ALK: variants seen among roughly 807,000 people sequenced by gnomAD.
The protein encoded by ALK is ALK tyrosine kinase receptor.
ALK carries 74 observed loss-of-function variants against 163.1 expected under a neutral mutation model. The observed-to-expected ratio is 0.45, with a 90% CI of 0.38 to 0.55. The LOEUF is 0.55. Among genes scored for constraint, ALK ranks in the 20% least tolerant of loss-of-function variants. The pLI, the probability that ALK is intolerant of heterozygous loss-of-function variation, is 0.00. For synonymous variants in ALK, 960 were observed against 843.2 expected (o/e 1.14, Z -2.40); for missense variants, 2,063 against 2,105.3 (o/e 0.98, Z 0.39).
At chr2:29,802,058 C>G (rs183524731) in intron 1 of ALK, among the ~76,000 whole-genome samples, 1 of 152,080 alleles carries the variant, frequency 6.6e-6, no homozygotes, top group Non-Finnish European at 1.5e-5. Context: ...GAAAATAATT[C>G]TGTTTAAATG....
intron 5 of ALK, among the ~76,000 whole-genome samples, chr2:29,377,690 AAG>A: frequency 6.6e-6 from 1 of 152,272 alleles, no homozygotes; most frequent in East Asian, 1.9e-4. Flanking sequence ...AAAAGGTTTG[AAG>A]AGAGTTCAAA....
chr2:29,899,917 G>A (rs1368252895), intron 1 of ALK, among the ~76,000 whole-genome samples: 1 of 152,170 alleles, frequency 6.6e-6, no homozygotes, highest in Non-Finnish European at 1.5e-5. Context: ...TCTGTTACTT[G>A]CAGCCAAATG....
At chr2:29,383,247 A>G (rs1668946838) in intron 5 of ALK, among the ~76,000 whole-genome samples, 1 of 151,648 alleles carries the variant, frequency 6.6e-6, no homozygotes, top group Non-Finnish European at 1.5e-5. Context: ...ATTTTATACC[A>G]GCTCTTTGAA....
rs912858582 is a variant in ALK, at chr2:29,771,635, T to C, written c.668-53938A>G. Among the ~76,000 whole-genome samples, 6 of 152,032 alleles carry C rather than the reference T, an allele frequency of 3.9e-5. No individual in the cohort carries two copies. In the East Asian group the frequency reaches 9.7e-4, roughly 25 times the overall value. On this transcript the variant is annotated intron_variant, in intron 1 of 28. Coordinates refer to ENST00000389048, the MANE Select transcript of ALK (RefSeq NM_004304.5). ...CTGTAAGCTCCACCTCCCGGGTTCA[T>C]ACCATTCTCCTGCCTCAGCCTCCCG...
intron 5 of ALK, among the ~76,000 whole-genome samples, chr2:29,351,339 T>C (rs908418801): frequency 1.3e-5 from 2 of 152,166 alleles, no homozygotes; most frequent in African/African-American, 4.8e-5. Context: ...AGTGAAGCCT[T>C]TGTGCTTCAC....
intron 1 of ALK, among the ~76,000 whole-genome samples, chr2:29,762,123 C>G (rs1680723212): frequency 6.6e-6 from 1 of 152,204 alleles, no homozygotes; most frequent in Admixed American, 6.5e-5. Flanking sequence ...AGTTGGTTTT[C>G]CCTAGCCAAG....
chr2:29,311,023 T>C (rs1193852119), intron 8 of ALK, among the ~76,000 whole-genome samples: 1 of 152,212 alleles, frequency 6.6e-6, no homozygotes, highest in Admixed American at 6.5e-5. Context: ...AGCTTCCTCC[T>C]TTGTATTAGA....
chr2:29,447,114 G>A (rs776779027), intron 4 of ALK, among the ~76,000 whole-genome samples: 4 of 152,280 alleles, frequency 2.6e-5, no homozygotes, highest in East Asian at 1.9e-4. Flanking sequence ...CTGGGGCCTC[G>A]TCTCCTGGCA....
intron 1 of ALK, among the ~76,000 whole-genome samples, chr2:29,844,090 G>A (rs1438306579): frequency 6.6e-6 from 1 of 152,240 alleles, no homozygotes. Flanking sequence ...TGTTGTATAA[G>A]TTCTGGAAAA....
intron 8 of ALK, among the ~76,000 whole-genome samples, chr2:29,299,169 A>G (rs888656997): frequency 3.2e-4 from 48 of 151,662 alleles, no homozygotes; most frequent in Admixed American, 9.8e-4. Flanking sequence ...GTCCTTTATA[A>G]CTCTTTGAAC....
intron 3 of ALK, among the ~76,000 whole-genome samples, chr2:29,584,851 A>G (rs1207160889): frequency 6.6e-6 from 1 of 152,224 alleles, no homozygotes; most frequent in African/African-American, 2.4e-5. Flanking sequence ...CTCTTTAAGG[A>G]TCCATATAAA....
intron 3 of ALK, among the ~76,000 whole-genome samples, chr2:29,647,048 T>C (rs1676895695): frequency 1.3e-5 from 2 of 152,286 alleles, no homozygotes; most frequent in Admixed American, 6.5e-5. Context: ...GATGAATGAA[T>C]GGATGAATCC....
intron 3 of ALK, among the ~76,000 whole-genome samples, chr2:29,619,712 A>C (rs1336310606): frequency 6.6e-6 from 1 of 152,216 alleles, no homozygotes; most frequent in Non-Finnish European, 1.5e-5. Context: ...CCTCCTTGAC[A>C]AAGAGACCCT....
At chr2:29,655,326 T>C (rs1677155364) in intron 3 of ALK, among the ~76,000 whole-genome samples, 1 of 152,152 alleles carries the variant, frequency 6.6e-6, no homozygotes, top group Admixed American at 6.5e-5. Context: ...ACCTAATTAA[T>C]GGTTTTGTGC....
At chr2:29,906,523 G>C (rs1667552725) in intron 1 of ALK, among the ~76,000 whole-genome samples, 1 of 152,162 alleles carries the variant, frequency 6.6e-6, no homozygotes, top group Non-Finnish European at 1.5e-5. Context: ...AATGTTTGAA[G>C]GACCCTCATG....
At chr2:29,553,623 G>A (rs779695448) in intron 3 of ALK, among the ~76,000 whole-genome samples, 3 of 152,094 alleles carry the variant, frequency 2.0e-5, no homozygotes, top group Non-Finnish European at 2.9e-5. Flanking sequence ...AATGCCTAGC[G>A]CATAGAAAAA....
At chr2:29,571,302 C>A (rs1251807322) in intron 3 of ALK, among the ~76,000 whole-genome samples, 1 of 152,176 alleles carries the variant, frequency 6.6e-6, no homozygotes, top group African/African-American at 2.4e-5. Flanking sequence ...CCACCCAAAT[C>A]TCATCTCCAA....
At chr2:29,915,969 T>C (rs992354435) in intron 1 of ALK, among the ~76,000 whole-genome samples, 3 of 152,250 alleles carry the variant, frequency 2.0e-5, no homozygotes, top group Non-Finnish European at 2.9e-5. Context: ...ACTTCAAAGA[T>C]GTATATGCAA....
At chr2:29,617,264 G>A (rs1451753020) in intron 3 of ALK, among the ~76,000 whole-genome samples, 1 of 152,186 alleles carries the variant, frequency 6.6e-6, no homozygotes, top group Non-Finnish European at 1.5e-5. Context: ...TCTGGACACA[G>A]AAGCCTCTGC....
Sources: gnomAD v4.1 joint callset for allele counts (sites outside exome capture counted in the v4.1 genomes callset) on GRCh38, gnomAD v4.1.1 for gene constraint, MANE v1.5 for transcripts, NCBI Gene and HGNC (gene_info 2026-07-23, HGNC 2026-07-21) for gene names.